PARVA: variants seen among roughly 807,000 people sequenced by gnomAD.
The protein encoded by PARVA is alpha-parvin.
A neutral mutation model predicts 52.6 loss-of-function variants in PARVA; 25 were observed. The ratio of observed to expected loss-of-function variants is 0.48; its 90% CI spans 0.35 to 0.66. The LOEUF (loss-of-function observed/expected upper bound fraction) is 0.66. PARVA is among the 30% of genes least tolerant of loss of function. PARVA has a pLI of 0.01. For synonymous variants in PARVA, 185 were observed against 179.1 expected (o/e 1.03, Z -0.26); for missense variants, 373 against 450.9 (o/e 0.83, Z 1.56).
intron 4 of PARVA, among the ~76,000 whole-genome samples, chr11:12,488,835 A>G (rs777274518): frequency 6.6e-6 from 1 of 152,232 alleles, no homozygotes; most frequent in Non-Finnish European, 1.5e-5. Context: ...CCAAGACAGA[A>G]GCAAACATAT....
intron 9 of PARVA, 114 bp downstream of exon 9, chr11:12,513,474 C>A: frequency 1.1e-6 from 1 of 891,062 alleles, no homozygotes; most frequent in Non-Finnish European, 1.9e-6. Context: ...ATCACCTAAC[C>A]TCTGCACACA....
chr11:12,515,604 C>A (rs1941558166), intron 10 of PARVA, among the ~76,000 whole-genome samples: 1 of 152,198 alleles, frequency 6.6e-6, no homozygotes, highest in African/African-American at 2.4e-5. Flanking sequence ...GCACTCAGAG[C>A]TGTGAATGAC....
chr11:12,421,066 T>C (rs1022804161), intron 1 of PARVA, among the ~76,000 whole-genome samples: 12 of 119,696 alleles, frequency 1.0e-4, no homozygotes, highest in African/African-American at 2.1e-4. Context: ...AAGGTGATAC[T>C]ACCATGATTT....
intron 4 of PARVA, among the ~76,000 whole-genome samples, chr11:12,488,927 A>C (rs1941196833): frequency 6.6e-6 from 1 of 152,222 alleles, no homozygotes; most frequent in Admixed American, 6.5e-5. Flanking sequence ...ATATGACCTC[A>C]AAATTAGAAA....
intron 1 of PARVA, among the ~76,000 whole-genome samples, chr11:12,379,901 C>G (rs753791563): frequency 4.7e-4 from 71 of 152,306 alleles, no homozygotes; most frequent in Middle Eastern, 3.4e-3. Flanking sequence ...CTGACATAGT[C>G]TCATCCAGTT....
intron 7 of PARVA, among the ~76,000 whole-genome samples, chr11:12,509,640 G>A (rs1041931938): frequency 7.2e-5 from 11 of 152,220 alleles, no homozygotes; most frequent in Non-Finnish European, 1.2e-4. Flanking sequence ...ACTAAGGGGC[G>A]TGGGCATTCC....
At chr11:12,404,246 G>A (rs1207622344) in intron 1 of PARVA, among the ~76,000 whole-genome samples, 1 of 152,114 alleles carries the variant, frequency 6.6e-6, no homozygotes, top group African/African-American at 2.4e-5. Flanking sequence ...TCAGGTCTTA[G>A]GGTTGCAGAT....
In PARVA at chr11:12,508,670, T is replaced by G. The variant is rs539683787; in HGVS notation, c.716+28T>G. On this transcript the variant is annotated intron_variant, in intron 7 of 12. Transcript: ENST00000334956. ...ATGTCAACACCATTGTTGCCAGCGA[T>G]TCTGTAATGGAACACAGATGTTTCT... 2.9e-5 allele frequency: 44 copies of G among 1,505,870 alleles called. No individual in the cohort carries two copies. In the South Asian group the frequency reaches 4.1e-4, roughly 14 times the overall value. 93.3% of individuals were successfully genotyped at this position (1,505,870 alleles called of 1,614,324 possible). A position where few individuals can be genotyped will look rare whatever the true frequency, so the allele number is the denominator to read the frequency against.
chr11:12,446,802 G>C (rs1940553908), intron 1 of PARVA, among the ~76,000 whole-genome samples: 1 of 152,152 alleles, frequency 6.6e-6, no homozygotes, highest in African/African-American at 2.4e-5. Flanking sequence ...TGTATTCTGT[G>C]GTTTCTGGCC....
At chr11:12,401,056 C>T (rs1353460762) in intron 1 of PARVA, among the ~76,000 whole-genome samples, 1 of 152,116 alleles carries the variant, frequency 6.6e-6, no homozygotes, top group African/African-American at 2.4e-5. Flanking sequence ...CAGTGTGCAC[C>T]AAAGTGCACA....
At chr11:12,475,239 G>A (rs750429359) in intron 3 of PARVA, among the ~76,000 whole-genome samples, 4 of 152,218 alleles carry the variant, frequency 2.6e-5, no homozygotes, top group African/African-American at 4.8e-5. Flanking sequence ...ACTCTGAGTA[G>A]AATGCCTCTC....
At chr11:12,406,556 G>A (rs940840885) in intron 1 of PARVA, among the ~76,000 whole-genome samples, 5 of 149,550 alleles carry the variant, frequency 3.3e-5, no homozygotes, top group Admixed American at 6.7e-5. Context: ...AACACCAAAC[G>A]TTCTACAAGA....
At chr11:12,479,153 C>T (rs933721855) in intron 4 of PARVA, 2 of 152,188 alleles carry the variant, frequency 1.3e-5, no homozygotes, top group Non-Finnish European at 2.9e-5. Context: ...TATTAACATG[C>T]CTGTACCTTT....
chr11:12,481,004 C>T (rs1385547593), intron 4 of PARVA, among the ~76,000 whole-genome samples: 1 of 152,076 alleles, frequency 6.6e-6, no homozygotes, highest in East Asian at 1.9e-4. Context: ...TCATGTTAAC[C>T]TCAATCACAT....
At chr11:12,381,369 C>A (rs149088612) in intron 1 of PARVA, among the ~76,000 whole-genome samples, 1 of 152,342 alleles carries the variant, frequency 6.6e-6, no homozygotes, top group Non-Finnish European at 1.5e-5. Context: ...TCCTCAAGAT[C>A]ACTGCCATCA....
chr11:12,386,170 C>A (rs1235307061), intron 1 of PARVA, among the ~76,000 whole-genome samples: 1 of 152,156 alleles, frequency 6.6e-6, no homozygotes. Flanking sequence ...ACAAAGATAA[C>A]TTCTCTCCAG....
At chr11:12,416,486 G>T in intron 1 of PARVA, among the ~76,000 whole-genome samples, 1 of 152,156 alleles carries the variant, frequency 6.6e-6, no homozygotes, top group East Asian at 1.9e-4. Flanking sequence ...CATTTCCACA[G>T]AACCTAAATA....
chr11:12,492,470 C>T (rs1941245412), intron 4 of PARVA, among the ~76,000 whole-genome samples: 1 of 152,046 alleles, frequency 6.6e-6, no homozygotes, highest in South Asian at 2.1e-4. Context: ...GAAATTAGCC[C>T]ACAAAAGAAC....
intron 5 of PARVA, among the ~76,000 whole-genome samples, chr11:12,498,812 T>A (rs532841462): frequency 1.3e-5 from 2 of 152,290 alleles, no homozygotes; most frequent in East Asian, 3.9e-4. Context: ...CTTCAGGTGA[T>A]CCACCCGCCT....
Sources: gnomAD v4.1 joint callset for allele counts (sites outside exome capture counted in the v4.1 genomes callset) on GRCh38, gnomAD v4.1.1 for gene constraint, MANE v1.5 for transcripts, NCBI Gene and HGNC (gene_info 2026-07-23, HGNC 2026-07-21) for gene names.